The following CSTPP1 variants were observed in gnomAD, a reference collection of about 807,000 sequenced individuals.
CSTPP1 encodes UPF0705 protein C11orf49.
At chr11:47,138,234 CAG>C in the CSTPP1 span, among the ~76,000 whole-genome samples, 1 of 152,142 alleles carries the variant, frequency 6.6e-6, no homozygotes, top group African/African-American at 2.4e-5. Flanking sequence ...GAAGTACAGA[CAG>C]GGGAAATGTC....
chr11:46,990,931 A>G, the CSTPP1 span, among the ~76,000 whole-genome samples: 1 of 152,092 alleles, frequency 6.6e-6, no homozygotes, highest in Non-Finnish European at 1.5e-5. Context: ...CAAAGATAAG[A>G]TTGTTTTAAG....
chr11:47,120,293 T>C, the CSTPP1 span, among the ~76,000 whole-genome samples: 1 of 152,122 alleles, frequency 6.6e-6, no homozygotes, highest in Non-Finnish European at 1.5e-5. The surrounding 1 kb of genome is among the most constrained non-coding windows in gnomAD (Gnocchi z 4.2). Flanking sequence ...GCCAGTCCCC[T>C]TGATATGTAT....
chr11:47,004,250 C>T, the CSTPP1 span: 5 of 151,262 alleles, frequency 3.3e-5, no homozygotes, highest in Admixed American at 2.6e-4. Context: ...ACAAACATGG[C>T]TCATTGCAGC....
the CSTPP1 span, among the ~76,000 whole-genome samples, chr11:46,988,620 G>GA: frequency 7.3e-6 from 1 of 136,936 alleles, no homozygotes; most frequent in African/African-American, 2.7e-5. Flanking sequence ...TTACAAAAAA[G>GA]AAAAAAAAGA....
chr11:46,947,897 G>A, the CSTPP1 span: 48 of 370,766 alleles, frequency 1.3e-4, no homozygotes, highest in African/African-American at 7.0e-4. Flanking sequence ...GGCATCTGGC[G>A]GGGATAGAGC....
At chr11:47,083,629 C>T in the CSTPP1 span, among the ~76,000 whole-genome samples, 2 of 152,134 alleles carry the variant, frequency 1.3e-5, no homozygotes, top group African/African-American at 2.4e-5. Context: ...TTTTTATTAT[C>T]GCCAGCCTAG....
chr11:47,141,231 A>C, the CSTPP1 span, among the ~76,000 whole-genome samples: 3 of 152,132 alleles, frequency 2.0e-5, no homozygotes, highest in African/African-American at 7.2e-5. Context: ...AAGAAATCCT[A>C]CACCCCTTAG....
chr11:47,041,164 T>C, the CSTPP1 span: 1 of 213,776 alleles, frequency 4.7e-6, no homozygotes. Flanking sequence ...CTGGTTCAGA[T>C]ACTTGGCCTG....
At chr11:47,018,287 CTTTTTTTTTTTTT>C in the CSTPP1 span, among the ~76,000 whole-genome samples, 3 of 82,190 alleles carry the variant, frequency 3.7e-5, no homozygotes, top group South Asian at 5.1e-4. Context: ...GTATGTTTAG[CTTTTTTTTTTTTT>C]TTTTTTTTTT....
At chr11:46,972,513 G>A in the CSTPP1 span, among the ~76,000 whole-genome samples, 5 of 152,020 alleles carry the variant, frequency 3.3e-5, no homozygotes, top group Non-Finnish European at 7.4e-5. Context: ...CTATTTGAGC[G>A]GTACAGTGTA....
chr11:47,077,196 G>GTTTTTT, the CSTPP1 span, among the ~76,000 whole-genome samples: 3 of 135,522 alleles, frequency 2.2e-5, no homozygotes, highest in Non-Finnish European at 3.3e-5. Context: ...GGATAAAGTT[G>GTTTTTT]TTTTTTTTTT....
At chr11:46,990,664 T>G in the CSTPP1 span, among the ~76,000 whole-genome samples, 1 of 152,226 alleles carries the variant, frequency 6.6e-6, no homozygotes, top group African/African-American at 2.4e-5. Flanking sequence ...TTGTTTTTGT[T>G]GCAATTGCTT....
the CSTPP1 span, among the ~76,000 whole-genome samples, chr11:46,971,429 A>G: frequency 6.6e-6 from 1 of 152,198 alleles, no homozygotes; most frequent in Non-Finnish European, 1.5e-5. Context: ...TAATCTGACA[A>G]TACATAACAG....
chr11:47,002,947 T>G, the CSTPP1 span, among the ~76,000 whole-genome samples: 1 of 152,344 alleles, frequency 6.6e-6, no homozygotes, highest in Non-Finnish European at 1.5e-5. Flanking sequence ...TGTCTGGCAA[T>G]CAAGTACACT....
At chr11:46,995,120 A>G in the CSTPP1 span, among the ~76,000 whole-genome samples, 1 of 152,126 alleles carries the variant, frequency 6.6e-6, no homozygotes, top group Admixed American at 6.5e-5. Context: ...ATCAGTGGTA[A>G]TATCCCCTTT....
chr11:47,150,418 G>A, the CSTPP1 span, among the ~76,000 whole-genome samples: 2 of 152,176 alleles, frequency 1.3e-5, no homozygotes, highest in South Asian at 2.1e-4. Flanking sequence ...CTATGTGCCA[G>A]ACACCATACC....
the CSTPP1 span, among the ~76,000 whole-genome samples, chr11:47,142,680 C>G: frequency 6.6e-6 from 1 of 152,104 alleles, no homozygotes; most frequent in Non-Finnish European, 1.5e-5. Flanking sequence ...TCTTAGCCCC[C>G]CGCAGCCACA....
the CSTPP1 span, among the ~76,000 whole-genome samples, chr11:46,972,740 T>C: frequency 6.6e-6 from 1 of 152,188 alleles, no homozygotes; most frequent in Non-Finnish European, 1.5e-5. Context: ...GTTCTAAACC[T>C]GAACAGAATG....
the CSTPP1 span, among the ~76,000 whole-genome samples, chr11:46,968,854 G>A: frequency 2.0e-5 from 3 of 152,012 alleles, no homozygotes; most frequent in East Asian, 3.9e-4. Flanking sequence ...AGCCGAGATC[G>A]TGCCACTGCA....
Sources: allele counts gnomAD v4.1 joint callset (sites outside exome capture counted in the v4.1 genomes callset), GRCh38; gene constraint gnomAD v4.1.1; non-coding constraint Gnocchi (gnomAD v3.1); transcripts MANE v1.5; gene names NCBI Gene and HGNC (gene_info 2026-07-23, HGNC 2026-07-21).